Variants in PASK observed in about 807,000 individuals in gnomAD.
PASK encodes the protein PAS domain-containing serine/threonine-protein kinase.
Under a neutral mutation model 121.0 loss-of-function variants are expected in PASK, and 110 were observed. That is an observed-to-expected ratio of 0.91 (90% CI 0.78 to 1.06). The LOEUF (loss-of-function observed/expected upper bound fraction) is 1.06, where lower values mean the gene tolerates loss of function less well. PASK is among the 50% of genes least tolerant of loss of function. PASK has a pLI of 0.00. For missense variants in PASK, 1,643 were observed against 1,702.3 expected, an observed-to-expected ratio of 0.97 and a Z score of 0.61; for synonymous variants, 686 against 717.8, an observed-to-expected ratio of 0.96 and a Z score of 0.71.
rs1427997248 is a variant in PASK at position 241,124,074 on chromosome 2, A to G, written c.2779T>C (p.Trp927Arg). 6.2e-7 allele frequency: 1 copy of G among 1,613,788 alleles called. No individual in the cohort carries two copies. Reference protein sequence around the residue: ...LQGPTPLFCCWLVKDLLHSQR... With the variant: ...LQGPTPLFCCRLVKDLLHSQR... Reference sequence around the variant, plus strand: ...CTGTGGAGGAGGTCTTTCACCAGCCAGCAGCAGAACAGAGGTGTGGGGCCC... The same window carrying G: ...CTGTGGAGGAGGTCTTTCACCAGCCGGCAGCAGAACAGAGGTGTGGGGCCC... Residue 927 changes from tryptophan to arginine, a missense_variant, in exon 11 of 18, where the codon TGG (tryptophan) becomes CGG (arginine). This residue lies in a region of PASK where 453 missense variants were observed against 511.2 expected (regional missense o/e 0.89). Coordinates refer to ENST00000234040, the MANE Select transcript of PASK (RefSeq NM_015148.4).
intron 12 of PASK, among the ~76,000 whole-genome samples, chr2:241,118,382 C>A (rs1266383886): frequency 1.3e-5 from 2 of 152,108 alleles, no homozygotes; most frequent in African/African-American, 4.8e-5. Flanking sequence ...AGAAACAAAT[C>A]CATGCATCTA....
chr2:241,122,294 T>C (rs1407656068), intron 12 of PASK, among the ~76,000 whole-genome samples: 2 of 152,134 alleles, frequency 1.3e-5, no homozygotes, highest in Non-Finnish European at 2.9e-5. Flanking sequence ...TGAAAATAGA[T>C]TATAAATAAG....
chr2:241,119,908 C>T (rs1289520719), intron 12 of PASK, among the ~76,000 whole-genome samples: 2 of 152,132 alleles, frequency 1.3e-5, no homozygotes, highest in Non-Finnish European at 2.9e-5. Flanking sequence ...TCCTTCCCCA[C>T]GGGTGGGGGA....
Position 241,107,509 on chromosome 2 carries a change from C to T in PASK, c.3668-10G>A, listed in dbSNP as rs779332526. 1 of 1,613,638 alleles carries T rather than the reference C, an allele frequency of 6.2e-7. No individual in the cohort carries two copies. Among genetic ancestry groups the T allele is most frequent in the South Asian group, 1.1e-5 (1 of 91,064 alleles). ...ACAAGGCTCATGAGTTCTGGGGACA[C>T]AAAGAACACAGATGGTAGGTCCAGA... On this transcript the variant is annotated splice_polypyrimidine_tract_variant and intron_variant, in intron 16 of 17. Coordinates refer to ENST00000234040, the MANE Select transcript of PASK (RefSeq NM_015148.4).
chr2:241,134,459 T>C (rs2066312252), intron 8 of PASK: 1 of 152,244 alleles, frequency 6.6e-6, no homozygotes, highest in African/African-American at 2.4e-5. Flanking sequence ...ATCCAGCTTC[T>C]AATGCCCCAG....
In PASK at chr2:241,127,350, A is replaced by G. The variant is rs773373848; in HGVS notation, c.1565T>C (p.Ile522Thr). 7.4e-6 allele frequency: 12 copies of G among 1,614,108 alleles called. No homozygotes were observed. The highest frequency in any genetic ancestry group is 5.0e-5 in the Admixed American group (3 of 60,012). Residue 522 changes from isoleucine to threonine, a missense_variant, in exon 10 of 18, where the codon ATA (isoleucine) becomes ACA (threonine). Ile to Thr is a moderately conservative substitution (Grantham distance 89). Coordinates refer to ENST00000234040, the MANE Select transcript of PASK (RefSeq NM_015148.4). ...CAGAAGATCCTGTCCGGGGCTCTCT[A>G]TTGCCACAGGTTCCTCTCTCCCCAA... ...TALGREEPVA[I>T]ESPGQDLLGE...
At chr2:241,114,622 T>C (rs1365186246) in intron 14 of PASK, 4 of 1,084,998 alleles carry the variant, frequency 3.7e-6, no homozygotes. Context: ...AATGTCAGGA[T>C]CTCAGTTTTG....
chr2:241,115,890 G>A (rs1440864097), intron 12 of PASK, among the ~76,000 whole-genome samples: 2 of 113,914 alleles, frequency 1.8e-5, no homozygotes, highest in Non-Finnish European at 3.4e-5. Flanking sequence ...TACGCCAGGG[G>A]CCACTCGGTC....
rs761146447 is a variant in PASK at position 241,135,954 on chromosome 2, C to G, written c.1223G>C (p.Cys408Ser). Residue 408 changes from cysteine to serine, a missense_variant, in exon 8 of 18, where the codon TGC (cysteine) becomes TCC (serine). Cys to Ser is a moderately radical substitution (Grantham distance 112). Around this residue, in one of 3 missense-constraint regions of PASK, gnomAD observed 1,176 missense variants for 1,162.2 expected, o/e 1.01. Transcript: ENST00000234040. ...CCCACTCTCATTGCCGACGTCCAGG[C>G]AGCTGGCCAGGTCTGGGAGCTGTAA... ...SSLQLPDLASCLDVGNESGCG... is the reference protein window; with the variant it reads ...SSLQLPDLASSLDVGNESGCG... The G allele has an allele frequency of 1.9e-6, 3 of 1,614,056 alleles. No homozygotes were observed. The highest frequency in any genetic ancestry group is 2.2e-5 in the South Asian group (2 of 91,094).
At chr2:241,140,207 CAG>C (rs2066638824) in intron 3 of PASK, 152 bp from the exon 4 acceptor site, 4 of 568,830 alleles carry the variant, frequency 7.0e-6, no homozygotes, top group Non-Finnish European at 1.1e-5. Context: ...GTGGCGCAAT[CAG>C]AGCTCACTGC....
Position 241,115,273 on chromosome 2 carries a change from A to G in PASK, c.3198+15T>C. On this transcript the variant is annotated intron_variant, in intron 13 of 17. Coordinates refer to ENST00000234040, the MANE Select transcript of PASK (RefSeq NM_015148.4). ...ATGAGCCAAGTTAGGGTATCTCTGA[A>G]GAGGAAACCATCACCTTGATGATAT... 1.9e-6 allele frequency: 3 copies of G among 1,614,022 alleles called. No individual in the cohort carries two copies. Among genetic ancestry groups the G allele is most frequent in the Non-Finnish European group, 8.5e-7 (1 of 1,179,918 alleles).
Position 241,140,686 on chromosome 2 carries a change from G to A in PASK, c.264C>T (p.His88=), listed in dbSNP as rs1248156480. The A allele has an allele frequency of 2.5e-6, 4 of 1,614,000 alleles. No individual in the cohort carries two copies. The African/African-American group carries it at 4.0e-5, about 16-fold the overall frequency. ...CCGTGTGCTCAGGGGCAGCAGGGCA[G>A]TGCAGTTTACTTGTACAAATATTCT... ...AAQNICTSKL[H]CPAAPEHTDP... Residue 88 remains histidine (H), a synonymous_variant, in exon 3 of 18, where the codon CAC becomes CAT. Coordinates refer to ENST00000234040, the MANE Select transcript of PASK (RefSeq NM_015148.4).
At chr2:241,136,857 C>A (rs1040276426) in intron 7 of PASK, 147 bp downstream of exon 7, 14 of 721,712 alleles carry the variant, frequency 1.9e-5, no homozygotes, top group Middle Eastern at 3.8e-4. Context: ...CAGGGACCTC[C>A]CTCCCTGGAC....
In PASK at chr2:241,135,900, T is replaced by A. The variant is rs35187712; in HGVS notation, c.1277A>T (p.Gln426Leu). 1 of 1,614,084 alleles carries A rather than the reference T, an allele frequency of 6.2e-7. No homozygotes were observed. The highest frequency in any genetic ancestry group is 8.5e-7 in the Non-Finnish European group (1 of 1,180,034). The change falls in exon 8 of 18, where the codon CAG becomes CTG. Residue 426 changes from glutamine (Q) to leucine (L), a missense_variant. This residue lies in a region of PASK where 1,176 missense variants were observed against 1,162.2 expected (regional missense o/e 1.01). Coordinates refer to ENST00000234040, the MANE Select transcript of PASK (RefSeq NM_015148.4). Reference sequence around the variant, plus strand: ...GCCCCCCTCAGCTGGGTCCTGGCCCTGCCACGGGTCCAAGGTTCTCTCCCC... The same window carrying A: ...GCCCCCCTCAGCTGGGTCCTGGCCCAGCCACGGGTCCAAGGTTCTCTCCCC... ...GCGERTLDPW[Q>L]GQDPAEGGQD...
chr2:241,130,830 T>C (rs2066092829), intron 9 of PASK, among the ~76,000 whole-genome samples: 3 of 152,116 alleles, frequency 2.0e-5, no homozygotes, highest in South Asian at 4.1e-4. Flanking sequence ...CGAGGAGGCC[T>C]GTAGAGGAAG....
At chr2:241,106,760 C>T in intron 17 of PASK, 37 bp from the exon 18 acceptor site, 1 of 1,603,382 alleles carries the variant, frequency 6.2e-7, no homozygotes. Flanking sequence ...CACGTGCTAA[C>T]AACTTAAGGT....
chr2:241,149,721 G>T, upstream of PASK: 1 of 1,549,826 alleles, frequency 6.5e-7, no homozygotes. Flanking sequence ...GAGTAGCGCA[G>T]AGCTCGCCTC....
chr2:241,109,128 C>T (rs2065003991), intron 15 of PASK: 1 of 153,318 alleles, frequency 6.5e-6, no homozygotes, highest in Non-Finnish European at 1.4e-5. Flanking sequence ...CTCATCCATG[C>T]TACCATTTAT....
rs754602643 is a variant in PASK at position 241,126,771 on chromosome 2, C to T, written c.2144G>A (p.Cys715Tyr). The T allele has an allele frequency of 2.5e-6, 4 of 1,614,068 alleles. No homozygotes were observed. Among genetic ancestry groups the T allele is most frequent in the Admixed American group, 3.3e-5 (2 of 60,030 alleles). ...AGGGAGGTCCGTGGCCAAGGCATAG[C>T]AGGCTGAGGAGCTGCCCGTGCAGCC... Reference protein sequence around the residue: ...CGGCTGSSSACYALATDLPGG... With the variant: ...CGGCTGSSSAYYALATDLPGG... Residue 715 changes from cysteine (C) to tyrosine (Y), a missense_variant, in exon 10 of 18, where the codon TGC becomes TAC. This residue lies in a region of PASK where 1,176 missense variants were observed against 1,162.2 expected (regional missense o/e 1.01). Transcript: ENST00000234040.
Sources: allele counts gnomAD v4.1 joint callset (sites outside exome capture counted in the v4.1 genomes callset), GRCh38; gene constraint gnomAD v4.1.1; regional missense constraint gnomAD v4.1.1; transcripts MANE v1.5; gene names NCBI Gene and HGNC (gene_info 2026-07-23, HGNC 2026-07-21).